The following LPP variants were observed in gnomAD, a reference collection of about 807,000 sequenced individuals.
LPP encodes LIM domain containing preferred translocation partner in lipoma, also known as lipoma-preferred partner.
In LPP, 38 loss-of-function variants were observed where a neutral mutation model predicts 60.4. That is an observed-to-expected ratio of 0.63 (90% CI 0.49 to 0.83). The LOEUF is 0.83. Ranked by LOEUF, LPP falls within the 40% of genes least tolerant of loss-of-function variation. The pLI is 0.00. For missense variants in LPP, 902 were observed against 783.6 expected, an observed-to-expected ratio of 1.15 and a Z score of -1.80; for synonymous variants, 328 against 290.8, an observed-to-expected ratio of 1.13 and a Z score of -1.30.
chr3:188,483,435 A>G (rs1380008591), intron 4 of LPP, among the ~76,000 whole-genome samples: 1 of 152,196 alleles, frequency 6.6e-6, no homozygotes, highest in African/African-American at 2.4e-5. Flanking sequence ...TTGAGCAACT[A>G]AAATGCAAGG....
intron 7 of LPP, among the ~76,000 whole-genome samples, chr3:188,682,727 A>G (rs1461436880): frequency 1.3e-5 from 2 of 152,234 alleles, no homozygotes; most frequent in East Asian, 3.8e-4. Context: ...AAGGATGTCA[A>G]TAATCATCTT....
In LPP at chr3:188,816,897, T is replaced by C. The variant is rs796338057; in HGVS notation, c.1411-49303T>C. 2.0e-5 allele frequency among the ~76,000 whole-genome samples: 3 copies of C among 152,222 alleles called. No individual in the cohort carries two copies. The South Asian group carries it at 6.2e-4, about 31-fold the overall frequency. On this transcript the variant is annotated intron_variant, in intron 9 of 11. Transcript: ENST00000617246. ...ACAAGAAATATTGCAATGATCTGAA[T>C]TGCTTACAAAATATTGACAACAACT...
At chr3:188,304,911 T>C (rs1481074405) in intron 2 of LPP, among the ~76,000 whole-genome samples, 1 of 152,194 alleles carries the variant, frequency 6.6e-6, no homozygotes, top group East Asian at 1.9e-4. Flanking sequence ...AAAAGAAATG[T>C]CATTAAATTA....
At chr3:188,618,621 A>T (rs1418272158) in intron 7 of LPP, among the ~76,000 whole-genome samples, 2 of 152,180 alleles carry the variant, frequency 1.3e-5, no homozygotes, top group Non-Finnish European at 2.9e-5. Context: ...GAGTTTAGAG[A>T]CTAAAACTTC....
At chr3:188,557,380 G>T (rs967906250) in intron 6 of LPP, among the ~76,000 whole-genome samples, 3 of 152,056 alleles carry the variant, frequency 2.0e-5, no homozygotes, top group African/African-American at 7.2e-5. Context: ...ACTACATTAA[G>T]CAACAACACC....
At chr3:188,429,280 G>A (rs1790300139) in intron 4 of LPP, among the ~76,000 whole-genome samples, 1 of 152,156 alleles carries the variant, frequency 6.6e-6, no homozygotes, top group South Asian at 2.1e-4. Context: ...AGAAATGATA[G>A]TGGAAGTAAG....
chr3:188,767,426 G>A (rs1734505767), intron 9 of LPP, among the ~76,000 whole-genome samples: 1 of 152,078 alleles, frequency 6.6e-6, no homozygotes, highest in Non-Finnish European at 1.5e-5. Flanking sequence ...GATAAGAAGG[G>A]TGAAAACATA....
chr3:188,427,669 G>T (rs1220885557), intron 4 of LPP, among the ~76,000 whole-genome samples: 8 of 152,112 alleles, frequency 5.3e-5, no homozygotes, highest in Non-Finnish European at 1.2e-4. Context: ...ACTGTGGTGG[G>T]CTTTGTCCTG....
At chr3:188,464,979 GAAA>G (rs35304055) in intron 4 of LPP, among the ~76,000 whole-genome samples, 2,285 of 102,976 alleles carry the variant, frequency 0.022, 32 homozygotes, top group Non-Finnish European at 0.027. Context: ...GCTTACTATG[GAAA>G]AAAAAAAAAA....
chr3:188,833,283 A>G (rs1380801837), intron 9 of LPP, among the ~76,000 whole-genome samples: 3 of 152,212 alleles, frequency 2.0e-5, no homozygotes, highest in African/African-American at 2.4e-5. Context: ...TGAATTCCCC[A>G]TGGTACATTT....
rs1257085181 is a variant in LPP, at chr3:188,368,719, C to CACACACAGAGAG, written c.-10+27001_-10+27002insCACACAGAGAGA. Among the ~76,000 whole-genome samples, 8 of 99,652 alleles carry CACACACAGAGAG rather than the reference C, an allele frequency of 8.0e-5. No homozygotes were observed. The East Asian group carries it at 8.6e-4, about 11-fold the overall frequency. 65.4% of individuals were successfully genotyped at this position (99,652 alleles called of 152,430 possible). On this transcript the variant is annotated intron_variant, in intron 3 of 11. Transcript: ENST00000617246. ...ACACACACACACACACACACACACA[C>CACACACAGAGAG]AGAGAGAGAGAGAGAGAGAGAGAGA...
intron 3 of LPP, among the ~76,000 whole-genome samples, chr3:188,387,185 C>T (rs897806584): frequency 1.3e-5 from 2 of 152,048 alleles, no homozygotes; most frequent in Non-Finnish European, 2.9e-5. Context: ...AAGTTCAGAA[C>T]ATGTAGACTG....
chr3:188,866,474 T>A, intron 10 of LPP, 96 bp downstream of exon 10: 1 of 1,037,634 alleles, frequency 9.6e-7, no homozygotes, highest in Non-Finnish European at 1.3e-6. Flanking sequence ...CTCTCAGAAC[T>A]ACAGAATTTC....
chr3:188,530,172 C>T (rs59402459), intron 6 of LPP, among the ~76,000 whole-genome samples: 65,185 of 151,552 alleles, frequency 0.43, 15,046 homozygotes, highest in East Asian at 0.92. Context: ...ACTTACTTAG[C>T]AGTACCTAAG....
chr3:188,281,295 C>G (rs1741954768), intron 2 of LPP, among the ~76,000 whole-genome samples: 1 of 151,972 alleles, frequency 6.6e-6, no homozygotes, highest in Non-Finnish European at 1.5e-5. Context: ...GAGTATATTT[C>G]TTGGTGGCAG....
chr3:188,752,828 A>G (rs901204626), intron 8 of LPP, among the ~76,000 whole-genome samples: 5 of 152,162 alleles, frequency 3.3e-5, no homozygotes, highest in African/African-American at 1.2e-4. Flanking sequence ...GTGGTTCTCA[A>G]ACTCACATTC....
At chr3:188,237,036 T>A (rs1339939155) in intron 2 of LPP, among the ~76,000 whole-genome samples, 1 of 152,216 alleles carries the variant, frequency 6.6e-6, no homozygotes, top group Non-Finnish European at 1.5e-5. Flanking sequence ...AAACTTTGGA[T>A]CTGCTTTATC....
intron 2 of LPP, among the ~76,000 whole-genome samples, chr3:188,266,546 G>T (rs1011922615): frequency 1.9e-4 from 29 of 148,940 alleles, no homozygotes; most frequent in African/African-American, 7.4e-4. Context: ...GGAGAGACGG[G>T]GAAGACAGAG....
intron 8 of LPP, among the ~76,000 whole-genome samples, chr3:188,742,571 A>G (rs1458122353): frequency 1.3e-5 from 2 of 152,142 alleles, no homozygotes; most frequent in African/African-American, 2.4e-5. Context: ...TGCCTACCTT[A>G]GAATTATATA....
Sources: allele counts gnomAD v4.1 joint callset (sites outside exome capture counted in the v4.1 genomes callset), GRCh38; gene constraint gnomAD v4.1.1; transcripts MANE v1.5; gene names NCBI Gene and HGNC (gene_info 2026-07-23, HGNC 2026-07-21).